The following KCNH1 variants were observed in gnomAD, a reference collection of about 807,000 sequenced individuals.
KCNH1 encodes voltage-gated delayed rectifier potassium channel KCNH1.
KCNH1 carries 27 observed loss-of-function variants against 69.2 expected under a neutral mutation model. That is an observed-to-expected ratio of 0.39 (90% CI 0.29 to 0.54). KCNH1 has a LOEUF of 0.54. KCNH1 is among the 20% of genes least tolerant of loss of function. KCNH1 has a pLI of 0.68. For missense variants in KCNH1, 798 were observed against 1,261.6 expected, an observed-to-expected ratio of 0.63 and a Z score of 5.57; for synonymous variants, 456 against 487.7, an observed-to-expected ratio of 0.93 and a Z score of 0.86.
rs946684435 is a variant in KCNH1 at position 210,795,950 on chromosome 1, A to G, written c.1915+1558T>C. Among the ~76,000 whole-genome samples the G allele has an allele frequency of 4.8e-4, 66 of 138,670 alleles. 3 individuals carry two copies. In the South Asian group the frequency reaches 0.014, roughly 30 times the overall value. 91.0% of individuals were successfully genotyped at this position (138,670 alleles called of 152,430 possible). A position where few individuals can be genotyped will look rare whatever the true frequency, so the allele number is the denominator to read the frequency against. ...ATCCTGGCTAACATGGTGAAACCCC[A>G]TCTCTACTAAAAACACACACACACA... On this transcript the variant is annotated intron_variant, in intron 9 of 10. Transcript: ENST00000271751.
At chr1:210,696,942 C>T (rs1178048275) in intron 10 of KCNH1, among the ~76,000 whole-genome samples, 2 of 152,224 alleles carry the variant, frequency 1.3e-5, no homozygotes, top group African/African-American at 4.8e-5. Context: ...CAGCCATCTC[C>T]TGAGCAGGCT....
intron 6 of KCNH1, among the ~76,000 whole-genome samples, chr1:210,952,734 T>C (rs999634887): frequency 1.3e-5 from 2 of 152,102 alleles, no homozygotes; most frequent in African/African-American, 2.4e-5. Flanking sequence ...TTACTGCAAA[T>C]TAATGGTTTC....
At chr1:210,912,607 G>A (rs1466646328) in intron 7 of KCNH1, among the ~76,000 whole-genome samples, 1 of 152,152 alleles carries the variant, frequency 6.6e-6, no homozygotes, top group Non-Finnish European at 1.5e-5. Flanking sequence ...GAAACACAGG[G>A]GCAGGGAGAG....
At chr1:210,875,514 A>G (rs552302775) in intron 7 of KCNH1, among the ~76,000 whole-genome samples, 195 of 152,300 alleles carry the variant, frequency 1.3e-3, no homozygotes, top group African/African-American at 4.6e-3. Context: ...ATCAATAGCA[A>G]TATTTTGGCT....
At chr1:210,738,708 T>C (rs1682943654) in intron 10 of KCNH1, among the ~76,000 whole-genome samples, 1 of 151,794 alleles carries the variant, frequency 6.6e-6, no homozygotes, top group Admixed American at 6.6e-5. Context: ...GTTAGGACCA[T>C]AGGTGCATGC....
At chr1:210,846,822 A>G (rs2102461097) in intron 7 of KCNH1, among the ~76,000 whole-genome samples, 1 of 152,290 alleles carries the variant, frequency 6.6e-6, no homozygotes, top group East Asian at 1.9e-4. Context: ...AATTTTTGCA[A>G]CCTACTCATC....
intron 3 of KCNH1, among the ~76,000 whole-genome samples, chr1:211,093,348 C>T (rs961122901): frequency 2.6e-5 from 4 of 152,198 alleles, no homozygotes; most frequent in African/African-American, 7.2e-5. Flanking sequence ...CCAGGCTGCA[C>T]GATCTCGGCT....
At chr1:210,992,184 A>G (rs1688950274) in intron 6 of KCNH1, among the ~76,000 whole-genome samples, 1 of 152,218 alleles carries the variant, frequency 6.6e-6, no homozygotes, top group Admixed American at 6.5e-5. Flanking sequence ...CTTATTAAAG[A>G]TGAGAACACC....
chr1:210,777,482 G>C (rs1179252101), intron 9 of KCNH1, among the ~76,000 whole-genome samples: 2 of 152,110 alleles, frequency 1.3e-5, no homozygotes, highest in African/African-American at 4.8e-5. Flanking sequence ...TCTGTAACAT[G>C]GGTGGCTAAT....
At chr1:211,124,164 T>C (rs559449044) in intron 1 of KCNH1, among the ~76,000 whole-genome samples, 2 of 152,252 alleles carry the variant, frequency 1.3e-5, no homozygotes, top group South Asian at 2.1e-4. Flanking sequence ...TCTTGAATGA[T>C]GAAAAAAGAT....
chr1:211,107,156 A>T, intron 2 of KCNH1, 98 bp downstream of exon 2: 2 of 1,351,508 alleles, frequency 1.5e-6, no homozygotes, highest in Non-Finnish European at 2.1e-6. Context: ...ATACACACTA[A>T]ATGAGGTAAA....
At chr1:211,076,840 C>T (rs958342850) in intron 5 of KCNH1, among the ~76,000 whole-genome samples, 2 of 152,130 alleles carry the variant, frequency 1.3e-5, no homozygotes, top group African/African-American at 2.4e-5. Flanking sequence ...TCGAACCCAT[C>T]GCAAGGAAGC....
chr1:211,031,359 T>C (rs1347760907), intron 5 of KCNH1, among the ~76,000 whole-genome samples: 1 of 151,970 alleles, frequency 6.6e-6, no homozygotes, highest in African/African-American at 2.4e-5. Flanking sequence ...TTCCAATCAA[T>C]AGAAAAAGAG....
chr1:210,949,553 A>G (rs920451955), intron 6 of KCNH1, among the ~76,000 whole-genome samples: 3 of 152,176 alleles, frequency 2.0e-5, no homozygotes, highest in Non-Finnish European at 4.4e-5. Flanking sequence ...CAGTAACATC[A>G]AGGGCAGCAC....
At chr1:210,988,987 A>G (rs1688894167) in intron 6 of KCNH1, among the ~76,000 whole-genome samples, 1 of 152,202 alleles carries the variant, frequency 6.6e-6, no homozygotes. Flanking sequence ...AAAATAATAG[A>G]TGTTCAATGT....
intron 1 of KCNH1, among the ~76,000 whole-genome samples, chr1:211,118,086 C>T (rs1489588337): frequency 6.6e-6 from 1 of 152,068 alleles, no homozygotes; most frequent in Non-Finnish European, 1.5e-5. Context: ...ATGTGATGTG[C>T]AGTATTAATA....
chr1:210,923,930 G>A (rs535621646), intron 6 of KCNH1, among the ~76,000 whole-genome samples: 1 of 152,308 alleles, frequency 6.6e-6, no homozygotes, highest in East Asian at 1.9e-4. Flanking sequence ...TAGTTAAGAT[G>A]AGGTCATACT....
Position 210,781,329 on chromosome 1 carries a change from A to G in KCNH1, c.1916-5785T>C, listed in dbSNP as rs186190784. Among the ~76,000 whole-genome samples the G allele has an allele frequency of 5.7e-3, 874 of 152,270 alleles. 9 individuals carry two copies. Among genetic ancestry groups the G allele is most frequent in the African/African-American group, 0.02 (827 of 41,550 alleles). ...TCTGGGAGGCTGAGAGAGGTGCCAG[A>G]AACACCAAGTACAGTAAGGGTTGCC... On this transcript the variant is annotated intron_variant, in intron 9 of 10. Coordinates refer to ENST00000271751, the MANE Select transcript of KCNH1 (RefSeq NM_172362.3).
chr1:211,032,885 G>C (rs1268244174), intron 5 of KCNH1, among the ~76,000 whole-genome samples: 1 of 152,154 alleles, frequency 6.6e-6, no homozygotes, highest in Non-Finnish European at 1.5e-5. Flanking sequence ...CAAAAGCAAT[G>C]TCAACAAAAG....
Sources: allele counts gnomAD v4.1 joint callset (sites outside exome capture counted in the v4.1 genomes callset), GRCh38; gene constraint gnomAD v4.1.1; transcripts MANE v1.5; gene names NCBI Gene and HGNC (gene_info 2026-07-23, HGNC 2026-07-21).